WDR7: variants seen among roughly 807,000 people sequenced by gnomAD.
WDR7 encodes WD repeat domain 7, also known as WD repeat-containing protein 7.
WDR7 carries 46 observed loss-of-function variants against 169.4 expected under a neutral mutation model. The observed-to-expected ratio is 0.27, with a 90% CI of 0.21 to 0.35. The LOEUF (loss-of-function observed/expected upper bound fraction) is 0.35. WDR7 is among the 10% of genes least tolerant of loss of function. WDR7 has a pLI of 1.00. For synonymous variants in WDR7, 612 were observed against 666.8 expected (o/e 0.92, Z 1.27); for missense variants, 1,534 against 1,859.3 (o/e 0.83, Z 3.22).
chr18:56,778,764 A>T (rs1248092447), intron 17 of WDR7, among the ~76,000 whole-genome samples: 2 of 152,216 alleles, frequency 1.3e-5, no homozygotes, highest in Non-Finnish European at 2.9e-5. Context: ...GTCATAGATT[A>T]GGTTTAACAA....
rs373047817 is a variant in WDR7, at chr18:56,909,320, G to A, written c.3527-14602G>A. ...TGGAGTGAGGGAATATATCTGGATT[G>A]TCTGGAGGACTTTTAAAAATTATAC... On this transcript the variant is annotated intron_variant, in intron 21 of 27. Coordinates refer to ENST00000254442, the MANE Select transcript of WDR7 (RefSeq NM_015285.3). Among the ~76,000 whole-genome samples, 47 of 152,184 alleles carry A rather than the reference G, an allele frequency of 3.1e-4. 1 individual carries two copies. The South Asian group carries it at 9.3e-3, about 30-fold the overall frequency.
intron 26 of WDR7, among the ~76,000 whole-genome samples, chr18:56,993,593 C>G (rs537063475): frequency 3.7e-4 from 56 of 152,258 alleles, no homozygotes; most frequent in African/African-American, 1.3e-3. Context: ...CCCTCCATCT[C>G]CCAGGATAGG....
chr18:57,021,700 C>A (rs1281936434), intron 27 of WDR7, among the ~76,000 whole-genome samples: 1 of 152,080 alleles, frequency 6.6e-6, no homozygotes, highest in Non-Finnish European at 1.5e-5. Context: ...CTCTTTTAGT[C>A]CTGAAAATTA....
chr18:56,971,065 A>G (rs1307910585), intron 26 of WDR7, among the ~76,000 whole-genome samples: 1 of 152,130 alleles, frequency 6.6e-6, no homozygotes, highest in African/African-American at 2.4e-5. Flanking sequence ...TGAGGTCAGG[A>G]GTTCGAGACC....
intron 25 of WDR7, among the ~76,000 whole-genome samples, chr18:56,959,119 T>C (rs914960194): frequency 6.6e-6 from 1 of 151,994 alleles, no homozygotes; most frequent in Non-Finnish European, 1.5e-5. Flanking sequence ...GGAACAGAGA[T>C]GTAAATGAAG....
intron 21 of WDR7, among the ~76,000 whole-genome samples, chr18:56,906,725 A>G (rs2046482611): frequency 6.6e-6 from 1 of 151,998 alleles, no homozygotes; most frequent in Admixed American, 6.6e-5. Context: ...TATTTCTAGT[A>G]GAGACAGGAT....
intron 1 of WDR7, among the ~76,000 whole-genome samples, chr18:56,656,281 T>A (rs1303229020): frequency 6.8e-6 from 1 of 147,122 alleles, no homozygotes; most frequent in Non-Finnish European, 1.5e-5. Context: ...CTGTCACTGT[T>A]TTTTTTTTTT....
At chr18:57,004,583 T>A (rs1249280039) in intron 26 of WDR7, among the ~76,000 whole-genome samples, 1 of 152,136 alleles carries the variant, frequency 6.6e-6, no homozygotes, top group African/African-American at 2.4e-5. Context: ...TGGCTGCCCA[T>A]GTGGAAACAC....
intron 19 of WDR7, among the ~76,000 whole-genome samples, chr18:56,807,147 CAAAAAAA>C (rs566956902): frequency 7.1e-5 from 6 of 84,188 alleles, no homozygotes; most frequent in South Asian, 1.0e-3. Context: ...TGATCCTAGC[CAAAAAAA>C]AAAAAAAAAA....
At chr18:57,005,881 C>T (rs2048050506) in intron 26 of WDR7, among the ~76,000 whole-genome samples, 1 of 152,168 alleles carries the variant, frequency 6.6e-6, no homozygotes, top group Non-Finnish European at 1.5e-5. Flanking sequence ...TCAAAGCCAT[C>T]CTGGGCCGCA....
intron 26 of WDR7, 99 bp from the exon 27 acceptor site, chr18:57,020,646 C>A (rs2048275797): frequency 1.9e-6 from 2 of 1,047,380 alleles, no homozygotes; most frequent in Non-Finnish European, 2.9e-6. Context: ...GCATCTAATA[C>A]CCATGACGTA....
chr18:56,737,270 C>G (rs370725286), intron 14 of WDR7, among the ~76,000 whole-genome samples: 1 of 152,120 alleles, frequency 6.6e-6, no homozygotes, highest in Non-Finnish European at 1.5e-5. Flanking sequence ...TGAGCATATC[C>G]GGTGATGTTT....
intron 20 of WDR7, among the ~76,000 whole-genome samples, chr18:56,865,527 T>C (rs1427102384): frequency 1.3e-5 from 2 of 152,142 alleles, no homozygotes; most frequent in Non-Finnish European, 2.9e-5. Context: ...CTTTTGAAAA[T>C]ATTTGTACAT....
chr18:56,671,741 T>C (rs2025140281), intron 1 of WDR7, among the ~76,000 whole-genome samples: 1 of 152,218 alleles, frequency 6.6e-6, no homozygotes, highest in Non-Finnish European at 1.5e-5. Context: ...CTGGGCTCCA[T>C]CACTTATCGC....
chr18:56,744,245 G>GAAAAAAAAAAAAAA (rs58110613), intron 14 of WDR7, among the ~76,000 whole-genome samples: 1 of 86,884 alleles, frequency 1.2e-5, no homozygotes, highest in Non-Finnish European at 2.2e-5. Context: ...TCTCAAAAAA[G>GAAAAAAAAAAAAAA]AAAAAAAAAA....
intron 1 of WDR7, among the ~76,000 whole-genome samples, chr18:56,665,733 TAA>T (rs10611642): frequency 0.034 from 5,154 of 152,224 alleles, 282 homozygotes; most frequent in African/African-American, 0.12. Flanking sequence ...ACTCTTGCAC[TAA>T]AAAGAGCTTC....
At chr18:57,025,710 CAGTGG>C (rs1373772926) in intron 27 of WDR7, among the ~76,000 whole-genome samples, 1 of 152,106 alleles carries the variant, frequency 6.6e-6, no homozygotes, top group Non-Finnish European at 1.5e-5. Flanking sequence ...GTGAAAATGT[CAGTGG>C]AGCCTGCACA....
intron 4 of WDR7, among the ~76,000 whole-genome samples, chr18:56,682,002 A>G (rs184408248): frequency 8.7e-4 from 133 of 152,334 alleles, no homozygotes; most frequent in Non-Finnish European, 1.6e-3. Flanking sequence ...AGTGTTGGAA[A>G]AATTATGAAT....
At chr18:56,920,019 T>C (rs538793115) in intron 21 of WDR7, among the ~76,000 whole-genome samples, 1 of 152,302 alleles carries the variant, frequency 6.6e-6, no homozygotes, top group East Asian at 1.9e-4. Flanking sequence ...TGTCTTGCCT[T>C]TTGTTTCACT....
Sources: gnomAD v4.1 joint callset for allele counts (sites outside exome capture counted in the v4.1 genomes callset) on GRCh38, gnomAD v4.1.1 for gene constraint, MANE v1.5 for transcripts, NCBI Gene and HGNC (gene_info 2026-07-23, HGNC 2026-07-21) for gene names.